CHD9: variants seen among roughly 807,000 people sequenced by gnomAD.
CHD9 encodes ATP-dependent chromatin remodeler CHD9.
CHD9 carries 77 observed loss-of-function variants against 316.1 expected under a neutral mutation model. The ratio of observed to expected loss-of-function variants is 0.24; its 90% CI spans 0.20 to 0.29. CHD9 has a LOEUF of 0.29. Among genes scored for constraint, CHD9 ranks in the 10% least tolerant of loss-of-function variants. CHD9 has a pLI of 1.00. For synonymous variants in CHD9, 1,129 were observed against 1,158.3 expected (o/e 0.97, Z 0.51); for missense variants, 2,763 against 3,438.1 (o/e 0.80, Z 4.91).
At chr16:53,190,702 C>G (rs2044408183) in intron 2 of CHD9, among the ~76,000 whole-genome samples, 1 of 151,876 alleles carries the variant, frequency 6.6e-6, no homozygotes, top group Non-Finnish European at 1.5e-5. Flanking sequence ...GTGTGTTTCC[C>G]AGAGAGTCTG....
intron 19 of CHD9, among the ~76,000 whole-genome samples, chr16:53,258,061 A>C (rs535748536): frequency 6.6e-6 from 1 of 152,278 alleles, no homozygotes; most frequent in African/African-American, 2.4e-5. Flanking sequence ...GGCATATACA[A>C]AGCATTTAAT....
At chr16:53,232,338 A>G (rs144741301) in intron 10 of CHD9, among the ~76,000 whole-genome samples, 54 of 152,284 alleles carry the variant, frequency 3.5e-4, no homozygotes, top group East Asian at 2.7e-3. Flanking sequence ...TGAATAAGCT[A>G]TGTCTTTAGA....
chr16:53,270,328 A>T (rs893213018), intron 22 of CHD9, among the ~76,000 whole-genome samples: 5 of 152,174 alleles, frequency 3.3e-5, no homozygotes, highest in African/African-American at 1.2e-4. Flanking sequence ...ATGTTTTATT[A>T]TCTTTATTAA....
intron 34 of CHD9, chr16:53,311,321 C>T (rs909256112): frequency 1.3e-5 from 2 of 151,916 alleles, no homozygotes; most frequent in East Asian, 3.9e-4. Flanking sequence ...GATCTTTATT[C>T]CTATGTTACT....
rs190870427 is a variant in CHD9, at chr16:53,199,666, C to T, written c.1453-9816C>T. ...CTTTCACCCTGTATGTCTATGTATA[C>T]CCATTATTTGGCTCCTACATGTAAG... On this transcript the variant is annotated intron_variant, in intron 2 of 38. Transcript: ENST00000447540. 1.4e-4 allele frequency among the ~76,000 whole-genome samples: 22 copies of T among 152,224 alleles called. No homozygotes were observed. The East Asian group carries it at 3.1e-3, about 21-fold the overall frequency.
chr16:53,138,668 T>G (rs1268940566), intron 1 of CHD9, among the ~76,000 whole-genome samples: 1 of 152,200 alleles, frequency 6.6e-6, no homozygotes, highest in African/African-American at 2.4e-5. Context: ...TAGCTTTTGT[T>G]GTCACTTTGG....
intron 3 of CHD9, among the ~76,000 whole-genome samples, chr16:53,217,901 G>A (rs1328253842): frequency 6.7e-6 from 1 of 149,560 alleles, no homozygotes; most frequent in East Asian, 1.9e-4. Flanking sequence ...CACTGCGCCT[G>A]GCTTATACTC....
At chr16:53,146,817 A>G (rs1009359646) in intron 1 of CHD9, among the ~76,000 whole-genome samples, 5 of 151,582 alleles carry the variant, frequency 3.3e-5, no homozygotes, top group African/African-American at 1.2e-4. Context: ...AAAAAGTTAG[A>G]ATGGTGACTT....
At chr16:53,167,879 G>A (rs16952045) in intron 2 of CHD9, among the ~76,000 whole-genome samples, 47,162 of 151,728 alleles carry the variant, frequency 0.31, 7,481 homozygotes, top group Middle Eastern at 0.39. Context: ...TAAAAAAAGG[G>A]TTATTGGTCA....
intron 2 of CHD9, among the ~76,000 whole-genome samples, chr16:53,163,594 A>G (rs1012480126): frequency 6.6e-5 from 10 of 152,190 alleles, no homozygotes; most frequent in African/African-American, 2.2e-4. Context: ...TCCAATGAAT[A>G]TGATGCATAC....
rs188348238 is a variant in CHD9 at position 53,226,769 on chromosome 16, G to A, written c.2043+257G>A. On this transcript the variant is annotated intron_variant, in intron 5 of 38. Transcript: ENST00000447540. ...TGAAATTCTTCAAACTATCTTTTCTGCAGAATATTTCTAAATTACAAGTTT... is the reference window on the plus strand; with the variant it reads ...TGAAATTCTTCAAACTATCTTTTCTACAGAATATTTCTAAATTACAAGTTT... Among the ~76,000 whole-genome samples the A allele has an allele frequency of 4.7e-4, 71 of 152,090 alleles. 1 individual carries two copies. In the East Asian group the frequency reaches 0.011, roughly 24 times the overall value.
intron 1 of CHD9, among the ~76,000 whole-genome samples, chr16:53,083,885 G>C (rs114537709): frequency 6.6e-6 from 1 of 151,896 alleles, no homozygotes; most frequent in Non-Finnish European, 1.5e-5. Flanking sequence ...CAAGTAGCTA[G>C]GACTACAAGT....
intron 1 of CHD9, among the ~76,000 whole-genome samples, chr16:53,137,074 A>C (rs1360350447): frequency 2.0e-5 from 3 of 151,974 alleles, no homozygotes; most frequent in Non-Finnish European, 4.4e-5. Flanking sequence ...CCCAGGTTCA[A>C]GTGATTCTCC....
intron 19 of CHD9, among the ~76,000 whole-genome samples, chr16:53,259,861 A>C (rs1000844955): frequency 5.9e-5 from 9 of 152,128 alleles, no homozygotes; most frequent in Non-Finnish European, 1.3e-4. Context: ...GCAAATACTC[A>C]TTTACCAGAT....
intron 2 of CHD9, among the ~76,000 whole-genome samples, chr16:53,159,521 A>G (rs886610838): frequency 3.3e-5 from 5 of 152,170 alleles, no homozygotes; most frequent in African/African-American, 1.2e-4. Flanking sequence ...GAAATTAAAT[A>G]TTTAGGGATC....
At chr16:53,173,491 G>A (rs1021546528) in intron 2 of CHD9, among the ~76,000 whole-genome samples, 2 of 151,734 alleles carry the variant, frequency 1.3e-5, no homozygotes, top group African/African-American at 2.4e-5. Flanking sequence ...TATAGTTAAC[G>A]GATTTATGCT....
chr16:53,251,783 A>G (rs958353857), intron 17 of CHD9, among the ~76,000 whole-genome samples: 1 of 152,224 alleles, frequency 6.6e-6, no homozygotes, highest in Non-Finnish European at 1.5e-5. Flanking sequence ...CACTTTTAAC[A>G]TGTATGCATA....
chr16:53,107,607 C>T (rs973313087), intron 1 of CHD9, among the ~76,000 whole-genome samples: 1 of 151,406 alleles, frequency 6.6e-6, no homozygotes, highest in African/African-American at 2.4e-5. Flanking sequence ...CATTTGAGCC[C>T]AGGAGGTGAA....
intron 28 of CHD9, 57 bp from the exon 29 acceptor site, chr16:53,292,776 T>C (rs2054454784): frequency 7.2e-7 from 1 of 1,389,188 alleles, no homozygotes; most frequent in Admixed American, 2.0e-5. Flanking sequence ...TTGCTGCTTT[T>C]GTGAGCTTCA....
Sources: allele counts gnomAD v4.1 joint callset (sites outside exome capture counted in the v4.1 genomes callset), GRCh38; gene constraint gnomAD v4.1.1; transcripts MANE v1.5; gene names NCBI Gene and HGNC (gene_info 2026-07-23, HGNC 2026-07-21).